KLF17: variants seen among roughly 807,000 people sequenced by gnomAD.
KLF17 encodes KLF transcription factor 17.
Under a neutral mutation model 34.2 loss-of-function variants are expected in KLF17, and 31 were observed. The observed-to-expected ratio is 0.91, with a 90% CI of 0.68 to 1.22. The LOEUF (loss-of-function observed/expected upper bound fraction) is 1.22. Ranked by LOEUF, KLF17 falls within the 50% of genes most tolerant of loss-of-function variation. The pLI, the probability that KLF17 is intolerant of heterozygous loss-of-function variation, is 0.00. For synonymous variants in KLF17, 179 were observed against 186.7 expected (o/e 0.96, Z 0.34); for missense variants, 478 against 505.2 (o/e 0.95, Z 0.52).
chr1:44,116,805 C>T (rs910873785), upstream of KLF17, among the ~76,000 whole-genome samples: 1 of 152,216 alleles, frequency 6.6e-6, no homozygotes, highest in Non-Finnish European at 1.5e-5. Context: ...ATAGCATCCA[C>T]TCTAATGGCC....
At chr1:44,127,640 TTC>T (rs11408495) in intron 1 of KLF17, among the ~76,000 whole-genome samples, 16,157 of 63,198 alleles carry the variant, frequency 0.26, 1,721 homozygotes, top group Middle Eastern at 0.29. Context: ...TTTTCTTTCC[TTC>T]TTTCTTTCTT....
chr1:44,063,980 C>A, the KLF17 span, among the ~76,000 whole-genome samples: 1 of 152,130 alleles, frequency 6.6e-6, no homozygotes, highest in East Asian at 1.9e-4. Flanking sequence ...ACAAGGTTAG[C>A]AGGACCACGG....
At chr1:44,070,374 G>A in the KLF17 span, among the ~76,000 whole-genome samples, 1 of 151,936 alleles carries the variant, frequency 6.6e-6, no homozygotes, top group South Asian at 2.1e-4. Context: ...AATTTCCATT[G>A]TCTGTCATTC....
chr1:44,132,394 A>G (rs1237081116), intron 3 of KLF17, among the ~76,000 whole-genome samples: 3 of 152,080 alleles, frequency 2.0e-5, no homozygotes, highest in Admixed American at 6.5e-5. Flanking sequence ...CCTTTCATAA[A>G]TTGCTGCATG....
the KLF17 span, among the ~76,000 whole-genome samples, chr1:44,053,774 A>G: frequency 6.6e-6 from 1 of 152,170 alleles, no homozygotes; most frequent in South Asian, 2.1e-4. Context: ...TGTTAAGTTG[A>G]GCGTATTCTT....
the KLF17 span, among the ~76,000 whole-genome samples, chr1:44,074,404 T>G: frequency 6.6e-6 from 1 of 152,146 alleles, no homozygotes; most frequent in Admixed American, 6.6e-5. Context: ...CCATTACCAA[T>G]GCCGTGTCTG....
chr1:44,127,715 CTCT>C (rs2088041357), intron 1 of KLF17, among the ~76,000 whole-genome samples: 1 of 62,080 alleles, frequency 1.6e-5, no homozygotes, highest in Admixed American at 1.7e-4. Context: ...TTTCTTTCTT[CTCT>C]TTTCTTTCTT....
At chr1:44,101,338 A>G in the KLF17 span, among the ~76,000 whole-genome samples, 3 of 152,214 alleles carry the variant, frequency 2.0e-5, no homozygotes, top group Non-Finnish European at 4.4e-5. Context: ...AATTGTCCTA[A>G]TAACATTCAT....
chr1:44,097,443 A>C, the KLF17 span, among the ~76,000 whole-genome samples: 888 of 152,252 alleles, frequency 5.8e-3, 11 homozygotes, highest in African/African-American at 0.021. Flanking sequence ...TGAATCTATA[A>C]ATCACTTTGG....
At chr1:44,089,190 A>G in the KLF17 span, among the ~76,000 whole-genome samples, 25 of 152,182 alleles carry the variant, frequency 1.6e-4, no homozygotes, top group Non-Finnish European at 2.8e-4. Context: ...TCATAGAAGA[A>G]AATATCTGCA....
At chr1:44,089,096 G>A in the KLF17 span, among the ~76,000 whole-genome samples, 1 of 152,108 alleles carries the variant, frequency 6.6e-6, no homozygotes, top group South Asian at 2.1e-4. Context: ...TCAAGAAGGA[G>A]GGAGCATAAC....
chr1:44,127,666 C>CTTTCTTTCTTTCTT (rs1557731872), intron 1 of KLF17, among the ~76,000 whole-genome samples: 2 of 40,358 alleles, frequency 5.0e-5, no homozygotes, highest in Non-Finnish European at 1.1e-4. Flanking sequence ...TTCTTTCTTT[C>CTTTCTTTCTTTCTT]TTTCTTTCTT....
chr1:44,127,717 CT>C (rs66514369), intron 1 of KLF17, among the ~76,000 whole-genome samples: 1,830 of 74,582 alleles, frequency 0.025, 64 homozygotes, highest in African/African-American at 0.13. Flanking sequence ...TCTTTCTTCT[CT>C]TTTCTTTCTT....
At chr1:44,054,116 G>A in the KLF17 span, among the ~76,000 whole-genome samples, 111 of 152,286 alleles carry the variant, frequency 7.3e-4, 2 homozygotes, top group South Asian at 1.9e-3. Flanking sequence ...GTTTTCTTGG[G>A]GCACTCAGGA....
chr1:44,070,590 CTTTTTTTTTTT>C, the KLF17 span, among the ~76,000 whole-genome samples: 11 of 78,680 alleles, frequency 1.4e-4, no homozygotes, highest in South Asian at 3.9e-4. Context: ...TTTCCCTTGT[CTTTTTTTTTTT>C]TTTTTTTTTT....
chr1:44,079,288 ATTCTT>A, the KLF17 span, among the ~76,000 whole-genome samples: 1 of 145,800 alleles, frequency 6.9e-6, no homozygotes, highest in Non-Finnish European at 1.5e-5. Flanking sequence ...CTAGTTAATC[ATTCTT>A]TTCTTTTCTT....
the KLF17 span, among the ~76,000 whole-genome samples, chr1:44,062,797 T>A: frequency 6.6e-6 from 1 of 151,718 alleles, no homozygotes; most frequent in Non-Finnish European, 1.5e-5. Flanking sequence ...GGTGAGAACA[T>A]AAACTGATAC....
At chr1:44,099,869 GAAAGAAAGA>G in the KLF17 span, among the ~76,000 whole-genome samples, 51 of 51,464 alleles carry the variant, frequency 9.9e-4, 2 homozygotes, top group African/African-American at 3.1e-3. Flanking sequence ...AAGAAAGAAA[GAAAGAAAGA>G]AAGAAAGAAA....
At chr1:44,127,670 C>CT (rs1353167563) in intron 1 of KLF17, among the ~76,000 whole-genome samples, 1 of 44,964 alleles carries the variant, frequency 2.2e-5, no homozygotes, top group Admixed American at 3.1e-4. Flanking sequence ...TTCTTTCTTT[C>CT]TTTCTTTCTT....
Sources: allele counts gnomAD v4.1 joint callset (sites outside exome capture counted in the v4.1 genomes callset), GRCh38; gene constraint gnomAD v4.1.1; transcripts MANE v1.5; gene names NCBI Gene and HGNC (gene_info 2026-07-23, HGNC 2026-07-21).